SLC35F2: variants seen among roughly 807,000 people sequenced by gnomAD.
SLC35F2 encodes queuine/queuosine transporter SLC35F2.
SLC35F2 carries 25 observed loss-of-function variants against 38.1 expected under a neutral mutation model. That is an observed-to-expected ratio of 0.66 (90% CI 0.48 to 0.92). The LOEUF is 0.92. Ranked by LOEUF, SLC35F2 falls within the 40% of genes least tolerant of loss-of-function variation. The pLI is 0.00. For missense variants in SLC35F2, 409 were observed against 452.9 expected (o/e 0.90, Z 0.88); for synonymous variants, 173 against 181.7 (o/e 0.95, Z 0.38).
chr11:107,834,369 G>A (rs1351765227), intron 1 of SLC35F2, among the ~76,000 whole-genome samples: 1 of 152,234 alleles, frequency 6.6e-6, no homozygotes, highest in South Asian at 2.1e-4. Flanking sequence ...TGAATGAAGC[G>A]GCTGGGCGCG....
Position 107,815,984 on chromosome 11 carries a change from A to T in SLC35F2, c.111-19T>A, listed in dbSNP as rs374756243. The T allele has an allele frequency of 7.5e-6, 12 of 1,604,404 alleles. No individual in the cohort carries two copies. The African/African-American group carries it at 1.6e-4, about 22-fold the overall frequency. On this transcript the variant is annotated intron_variant, in intron 1 of 7. Transcript: ENST00000525815. ...AATATTCCTAGAAAATAAGGGAAGAAATCAGAACAGCATGCAAATAAGTTA... is the reference window on the plus strand; with the variant it reads ...AATATTCCTAGAAAATAAGGGAAGATATCAGAACAGCATGCAAATAAGTTA...
intron 1 of SLC35F2, among the ~76,000 whole-genome samples, chr11:107,830,516 G>A (rs949484187): frequency 1.9e-4 from 29 of 149,082 alleles, no homozygotes; most frequent in African/African-American, 6.9e-4. Flanking sequence ...CCTGGGAGGC[G>A]GAGCTTGCAG....
chr11:107,804,181 A>G (rs1859360570), intron 6 of SLC35F2, among the ~76,000 whole-genome samples: 1 of 152,110 alleles, frequency 6.6e-6, no homozygotes. Context: ...ACCATGGTAG[A>G]CAATCTTCCA....
chr11:107,830,763 G>A lies in SLC35F2; in HGVS notation c.111-14798C>T, dbSNP rs12288010. Among the ~76,000 whole-genome samples the A allele has an allele frequency of 4.5e-3, 686 of 152,018 alleles. 8 individuals are homozygous for A. The highest frequency in any genetic ancestry group is 0.015 in the African/African-American group (642 of 41,470). ...GCTCTAATTATATCAACCAAGTGTGGTAACAATCATTTTCTCTTGCTAATC... is the reference window on the plus strand; with the variant it reads ...GCTCTAATTATATCAACCAAGTGTGATAACAATCATTTTCTCTTGCTAATC... On this transcript the variant is annotated intron_variant, in intron 1 of 7. Transcript: ENST00000525815.
At position 107,792,161 on chromosome 11, in the gene SLC35F2, C is replaced by CAA. The variant is rs11371777; in HGVS notation, c.*452_*453dup. On this transcript the variant is annotated 3_prime_UTR_variant, in exon 8 of 8. Coordinates refer to ENST00000525815, the MANE Select transcript of SLC35F2 (RefSeq NM_017515.5). ...GGCCTGTGGACAATAACTGCCTCAG[C>CAA]AAAAAAAAAAAAAAAAAAAAACCTT... is the stretch of plus-strand genomic sequence containing the variant. 7.7e-3 allele frequency: 597 copies of CAA among 78,036 alleles called. 2 individuals are homozygous for CAA. Among genetic ancestry groups the CAA allele is most frequent in the African/African-American group, 0.027 (543 of 19,934 alleles). The allele number at this position is 78,036 out of a possible 1,614,324, so 4.8% of individuals were successfully genotyped here.
At chr11:107,792,978 A>G in intron 7 of SLC35F2, 178 bp from the exon 8 acceptor site, 1 of 934,250 alleles carries the variant, frequency 1.1e-6, no homozygotes, top group Non-Finnish European at 1.3e-6. Flanking sequence ...GTGCAGTGGC[A>G]CAATCTCGGC....
intron 3 of SLC35F2, chr11:107,809,755 C>T (rs1477105434): frequency 2.0e-6 from 2 of 982,502 alleles, no homozygotes; most frequent in East Asian, 1.1e-4. Context: ...GACCCTGCGA[C>T]ATGGGTATAA....
chr11:107,804,891 A>G (rs1859369373), intron 5 of SLC35F2, 121 bp from the exon 6 acceptor site: 2 of 1,170,314 alleles, frequency 1.7e-6, no homozygotes, highest in South Asian at 1.5e-5. Flanking sequence ...AATTTGTCTT[A>G]GAATATAAAA....
At chr11:107,802,233 A>G (rs373421856) in intron 7 of SLC35F2, among the ~76,000 whole-genome samples, 9,110 of 150,476 alleles carry the variant, frequency 0.061, 348 homozygotes, top group East Asian at 0.14. Context: ...GTGAGACTCC[A>G]TCTCAAAAAA....
chr11:107,800,151 G>A (rs905369830), intron 7 of SLC35F2, among the ~76,000 whole-genome samples: 2 of 151,862 alleles, frequency 1.3e-5, no homozygotes, highest in African/African-American at 4.8e-5. Flanking sequence ...GCCTCCCAAG[G>A]TCCTGGGATT....
chr11:107,852,235 T>C (rs1860198571), intron 1 of SLC35F2, among the ~76,000 whole-genome samples: 1 of 151,926 alleles, frequency 6.6e-6, no homozygotes, highest in East Asian at 1.9e-4. Flanking sequence ...TCAGCCAACA[T>C]GGTGAAACCT....
rs572768417 is a variant in SLC35F2 at position 107,827,859 on chromosome 11, C to T, written c.111-11894G>A. On this transcript the variant is annotated intron_variant, in intron 1 of 7. Transcript: ENST00000525815. ...CCAGGAAGCACAGGTTGCAGTGAGC[C>T]GAGATTGCATCATTGCACTCCAGCC... 6.6e-5 allele frequency among the ~76,000 whole-genome samples: 10 copies of T among 152,040 alleles called. No homozygotes were observed. The East Asian group carries it at 1.7e-3, about 26-fold the overall frequency.
chr11:107,816,266 ACG>A (rs1491497870), intron 1 of SLC35F2: 100 of 930,756 alleles, frequency 1.1e-4, no homozygotes, highest in African/African-American at 1.5e-4. Flanking sequence ...TAAAGTGCGC[ACG>A]TGTGTGTGTG....
rs887590851 is a variant in SLC35F2, at chr11:107,830,356, C to T, written c.111-14391G>A. Among the ~76,000 whole-genome samples, 37 of 151,896 alleles carry T rather than the reference C, an allele frequency of 2.4e-4. 1 individual carries two copies. The highest frequency in any genetic ancestry group is 8.2e-4 in the African/African-American group (34 of 41,352). ...ATCTCAGCACTGTGGGAGGCCGAGG[C>T]GGGCAGATCACGAGGTCAAGAGATC... On this transcript the variant is annotated intron_variant, in intron 1 of 7. Transcript: ENST00000525815.
In SLC35F2 at chr11:107,858,772, G is replaced by A. The variant is rs965357990; in HGVS notation, c.-5C>T. 6.6e-5 allele frequency: 83 copies of A among 1,257,464 alleles called. No homozygotes were observed. The highest frequency in any genetic ancestry group is 1.2e-4 in the Admixed American group (3 of 24,444). The allele number at this position is 1,257,464 out of a possible 1,614,324, so 77.9% of individuals were successfully genotyped here. ...CGCTGGCGAGTCTGCCTCCATCGGC[G>A]CCCTTGCGCGTCTCCGGCGCCCAAA... On this transcript the variant is annotated 5_prime_UTR_variant, in exon 1 of 8. Coordinates refer to ENST00000525815, the MANE Select transcript of SLC35F2 (RefSeq NM_017515.5).
chr11:107,818,506 T>C (rs1444018406), intron 1 of SLC35F2, among the ~76,000 whole-genome samples: 1 of 152,262 alleles, frequency 6.6e-6, no homozygotes, highest in African/African-American at 2.4e-5. Flanking sequence ...GTATTTATTA[T>C]TTTCATGCTT....
At chr11:107,858,133 G>A (rs1044607258) in intron 1 of SLC35F2, among the ~76,000 whole-genome samples, 7 of 152,166 alleles carry the variant, frequency 4.6e-5, no homozygotes, top group African/African-American at 1.4e-4. Context: ...CCTCGCTCAG[G>A]CCCAGGAAGA....
Position 107,850,046 on chromosome 11 carries a change from G to A in SLC35F2, c.110+8612C>T, listed in dbSNP as rs148034769. On this transcript the variant is annotated intron_variant, in intron 1 of 7. Coordinates refer to ENST00000525815, the MANE Select transcript of SLC35F2 (RefSeq NM_017515.5). ...TTGGGCTAATGGGCTGTAACCTAGA[G>A]AGACTGCCTCCTCCTTCTTTCAGAG... 6.6e-5 allele frequency among the ~76,000 whole-genome samples: 10 copies of A among 152,328 alleles called. No individual in the cohort carries two copies. In the East Asian group the frequency reaches 1.9e-3, roughly 29 times the overall value.
At chr11:107,801,774 T>C (rs1159896270) in intron 7 of SLC35F2, among the ~76,000 whole-genome samples, 2 of 152,194 alleles carry the variant, frequency 1.3e-5, no homozygotes, top group Non-Finnish European at 2.9e-5. Context: ...AGCTTGAGAC[T>C]CTTATCTTAA....
Sources: allele counts gnomAD v4.1 joint callset (sites outside exome capture counted in the v4.1 genomes callset), GRCh38; gene constraint gnomAD v4.1.1; transcripts MANE v1.5; gene names NCBI Gene and HGNC (gene_info 2026-07-23, HGNC 2026-07-21).